Variants in SV2B observed in about 807,000 individuals in gnomAD.
SV2B encodes the protein solute carrier family 22 member B2.
A neutral mutation model predicts 73.9 loss-of-function variants in SV2B; 41 were observed. The observed-to-expected ratio is 0.56, with a 90% confidence interval of 0.43 to 0.72. The LOEUF is 0.72. SV2B is among the 30% of genes least tolerant of loss of function. SV2B has a pLI of 0.00. For synonymous variants in SV2B, 314 were observed against 314.2 expected (o/e 1.00, Z 0.01); for missense variants, 764 against 857.8 (o/e 0.89, Z 1.37).
At position 91,261,850 on chromosome 15, in the gene SV2B, C is replaced by T. The variant is rs150528400; in HGVS notation, c.1008+1441C>T. 3.5e-4 allele frequency among the ~76,000 whole-genome samples: 54 copies of T among 152,288 alleles called. No homozygotes were observed. The highest frequency in any genetic ancestry group is 3.4e-3 in the Middle Eastern group (1 of 294). The stretch of plus-strand genomic sequence containing the variant: ...GAAGATGGCCTGATAGTTACAGAGA[C>T]GCTGTCTTCCTGCCTGCCATGCTCT... On this transcript the variant is annotated intron_variant, in intron 6 of 12. Coordinates refer to ENST00000394232, the MANE Select transcript of SV2B (RefSeq NM_001323032.3). The surrounding 1 kb of genome is among the most constrained non-coding windows in gnomAD (Gnocchi z 4.7).
At chr15:91,217,265 A>C (rs561924210) in intron 1 of SV2B, among the ~76,000 whole-genome samples, 3 of 152,242 alleles carry the variant, frequency 2.0e-5, no homozygotes, top group Non-Finnish European at 4.4e-5. Context: ...ATTCAAAGAT[A>C]AGTAAAATTC....
At chr15:91,207,183 G>T (rs970444025) in intron 1 of SV2B, among the ~76,000 whole-genome samples, 11 of 145,162 alleles carry the variant, frequency 7.6e-5, no homozygotes, top group African/African-American at 2.9e-4. Context: ...CATTATGCCT[G>T]GCTTTTTTTT....
At chr15:91,187,958 A>T (rs2044839746) in intron 1 of SV2B, among the ~76,000 whole-genome samples, 1 of 152,156 alleles carries the variant, frequency 6.6e-6, no homozygotes, top group Non-Finnish European at 1.5e-5. Flanking sequence ...CAAAATAAGA[A>T]TTATAATGAA....
In SV2B at chr15:91,128,127, A is replaced by T. The variant is rs1460765107; in HGVS notation, c.-392+27764A>T. 6.6e-6 allele frequency among the ~76,000 whole-genome samples: 1 copy of T among 152,160 alleles called. No homozygotes were observed. ...AAATTAAATCTGGGATTGTGCAGAA[A>T]CTGTGTTTCCACCCTCTGGGGACAA... is the stretch of plus-strand genomic sequence containing the variant. On this transcript the variant is annotated intron_variant, in intron 1 of 12. Transcript: ENST00000394232. This position sits in a 1 kb window ranked among gnomAD's most constrained non-coding sequence, Gnocchi z 4.2.
chr15:91,263,899 G>A (rs1044211402), intron 6 of SV2B, among the ~76,000 whole-genome samples: 1 of 152,178 alleles, frequency 6.6e-6, no homozygotes, highest in Non-Finnish European at 1.5e-5. Flanking sequence ...GAATAAAACA[G>A]TTCCTCCTTG....
At chr15:91,143,223 A>G (rs17516032) in intron 1 of SV2B, among the ~76,000 whole-genome samples, 48,069 of 152,148 alleles carry the variant, frequency 0.32, 8,252 homozygotes, top group Non-Finnish European at 0.38. Flanking sequence ...AGGGCTGTCC[A>G]TAAGAACCGC....
chr15:91,194,382 A>G (rs1255106761), intron 1 of SV2B, among the ~76,000 whole-genome samples: 2 of 152,136 alleles, frequency 1.3e-5, no homozygotes, highest in Non-Finnish European at 2.9e-5. Context: ...GCCTTTGGGC[A>G]TAATTGGGTT....
chr15:91,209,861 C>T (rs946020994), intron 1 of SV2B, among the ~76,000 whole-genome samples: 45 of 152,292 alleles, frequency 3.0e-4, no homozygotes, highest in African/African-American at 1.0e-3. Flanking sequence ...TTCGTTACTC[C>T]AGGATTTGGA....
chr15:91,215,736 C>T (rs1026438392), intron 1 of SV2B, among the ~76,000 whole-genome samples: 4 of 151,996 alleles, frequency 2.6e-5, no homozygotes, highest in African/African-American at 7.3e-5. Flanking sequence ...TAAGATTTAG[C>T]TGTATAAATA....
intron 6 of SV2B, among the ~76,000 whole-genome samples, chr15:91,263,782 G>T (rs934186668): frequency 6.6e-6 from 1 of 152,168 alleles, no homozygotes; most frequent in East Asian, 1.9e-4. Context: ...GTGAACAGAG[G>T]AATTACATCG....
rs564666703 is a variant in SV2B, at chr15:91,231,897, G to A, written c.451+5183G>A. ...GGCATGGTGTCTGTGCCAGCCATAC[G>A]GAGGACACAGAGCAATGTCAGATGG... On this transcript the variant is annotated intron_variant, in intron 2 of 12. Coordinates refer to ENST00000394232, the MANE Select transcript of SV2B (RefSeq NM_001323032.3). This position sits in a 1 kb window ranked among gnomAD's most constrained non-coding sequence, Gnocchi z 4.5. Among the ~76,000 whole-genome samples the A allele has an allele frequency of 1.6e-4, 24 of 152,260 alleles. No individual in the cohort carries two copies. The highest frequency in any genetic ancestry group is 5.3e-4 in the African/African-American group (22 of 41,556).
chr15:91,282,430 T>G (rs2048712411), intron 10 of SV2B, among the ~76,000 whole-genome samples: 1 of 152,238 alleles, frequency 6.6e-6, no homozygotes, highest in Non-Finnish European at 1.5e-5. Context: ...TTGTTACTTT[T>G]ACTACCCTCA....
chr15:91,222,298 G>A (rs1364836996), intron 1 of SV2B, among the ~76,000 whole-genome samples: 1 of 152,180 alleles, frequency 6.6e-6, no homozygotes, highest in Non-Finnish European at 1.5e-5. Context: ...CGGTCGTTGT[G>A]CAGGTTAAAA....
At chr15:91,107,549 T>G (rs548756845) in intron 1 of SV2B, among the ~76,000 whole-genome samples, 111 of 152,088 alleles carry the variant, frequency 7.3e-4, no homozygotes, top group African/African-American at 2.6e-3. Flanking sequence ...TTTACCTTGT[T>G]ATCTGCCCGC....
At chr15:91,270,742 G>A (rs1180623040) in intron 9 of SV2B, among the ~76,000 whole-genome samples, 1 of 151,846 alleles carries the variant, frequency 6.6e-6, no homozygotes, top group East Asian at 1.9e-4. Context: ...GGAGTGAGGA[G>A]GAAACAGGGG....
At chr15:91,120,773 C>T (rs1596438022) in intron 1 of SV2B, among the ~76,000 whole-genome samples, 1 of 143,924 alleles carries the variant, frequency 6.9e-6, no homozygotes, top group East Asian at 2.0e-4. Context: ...GTGATCGTGC[C>T]ACTGCTCCAG....
intron 1 of SV2B, among the ~76,000 whole-genome samples, chr15:91,125,167 T>C (rs932323869): frequency 9.9e-5 from 15 of 152,212 alleles, no homozygotes; most frequent in African/African-American, 3.4e-4. Flanking sequence ...TGGATTAGGA[T>C]CTACCCTAAA....
chr15:91,215,526 T>C (rs964943425), intron 1 of SV2B, among the ~76,000 whole-genome samples: 11 of 152,302 alleles, frequency 7.2e-5, no homozygotes, highest in Middle Eastern at 3.4e-3. Context: ...AGGGGGGAAT[T>C]GGCAAACATT....
At chr15:91,114,267 G>A (rs1003590195) in intron 1 of SV2B, among the ~76,000 whole-genome samples, 44 of 151,150 alleles carry the variant, frequency 2.9e-4, no homozygotes, top group African/African-American at 1.0e-3. Context: ...GGAACATGGA[G>A]AGGGTCTGGA....
Sources: gnomAD v4.1 joint callset for allele counts (sites outside exome capture counted in the v4.1 genomes callset) on GRCh38, gnomAD v4.1.1 for gene constraint, Gnocchi (gnomAD v3.1) non-coding constraint, MANE v1.5 for transcripts, NCBI Gene and HGNC (gene_info 2026-07-23, HGNC 2026-07-21) for gene names.